TTC39C: variants seen among roughly 807,000 people sequenced by gnomAD.
TTC39C encodes the protein tetratricopeptide repeat protein 39C.
In TTC39C, 33 loss-of-function variants were observed where a neutral mutation model predicts 76.3. The observed-to-expected ratio is 0.43, with a 90% CI of 0.33 to 0.58. The LOEUF is 0.58. Among genes scored for constraint, TTC39C ranks in the 20% least tolerant of loss-of-function variants. TTC39C has a pLI of 0.04. For synonymous variants in TTC39C, 254 were observed against 260.6 expected (o/e 0.97, Z 0.24); for missense variants, 595 against 701.4 (o/e 0.85, Z 1.71).
intron 1 of TTC39C, among the ~76,000 whole-genome samples, chr18:24,059,334 T>C (rs1457042796): frequency 6.6e-6 from 1 of 152,188 alleles, no homozygotes; most frequent in Admixed American, 6.5e-5. Context: ...TAGTACTAAT[T>C]TTTTATTTTT....
At chr18:24,048,367 A>G (rs1410561363) in intron 1 of TTC39C, among the ~76,000 whole-genome samples, 1 of 152,204 alleles carries the variant, frequency 6.6e-6, no homozygotes, top group East Asian at 1.9e-4. Context: ...GAATGAACTG[A>G]TTTTGTTAAA....
At chr18:24,089,173 C>T (rs750135617) in intron 6 of TTC39C, among the ~76,000 whole-genome samples, 1 of 152,154 alleles carries the variant, frequency 6.6e-6, no homozygotes, top group South Asian at 2.1e-4. Context: ...ATGGCCAGTG[C>T]AGAAGGGCCT....
chr18:24,055,899 T>C (rs1186744248), intron 1 of TTC39C, among the ~76,000 whole-genome samples: 1 of 152,200 alleles, frequency 6.6e-6, no homozygotes, highest in African/African-American at 2.4e-5. Context: ...GCTTCATGCA[T>C]GTAGTTTTCT....
chr18:24,071,096 T>A (rs1468925875), intron 4 of TTC39C, among the ~76,000 whole-genome samples: 1 of 151,946 alleles, frequency 6.6e-6, no homozygotes, highest in East Asian at 2.0e-4. Flanking sequence ...GCCCAACTAA[T>A]TTTTTGTACT....
intron 1 of TTC39C, among the ~76,000 whole-genome samples, chr18:24,018,390 C>CAA (rs2145647654): frequency 6.6e-6 from 1 of 151,956 alleles, no homozygotes; most frequent in African/African-American, 2.4e-5. Context: ...CCTCCACACA[C>CAA]ACACACTCAT....
At chr18:24,052,014 A>T (rs1182875892) in intron 1 of TTC39C, among the ~76,000 whole-genome samples, 5 of 152,216 alleles carry the variant, frequency 3.3e-5, no homozygotes, top group African/African-American at 1.2e-4. Flanking sequence ...TGACACAAAT[A>T]TCAAATAGTA....
intron 5 of TTC39C, among the ~76,000 whole-genome samples, chr18:24,082,433 T>C (rs767481823): frequency 6.6e-6 from 1 of 152,216 alleles, no homozygotes; most frequent in Non-Finnish European, 1.5e-5. Context: ...TTGTGCATGA[T>C]ATTTAAACTT....
chr18:24,069,174 C>G lies in TTC39C; in HGVS notation c.363C>G (p.Ser121=), dbSNP rs376106417. The change falls in exon 4 of 14, where the codon TCC becomes TCG. Residue 121 remains serine (S), a synonymous_variant. Transcript: ENST00000317571. The part of the protein sequence containing the change: ...KIKKNVDVRK[S]APSMVDRLQR... Reference sequence around the variant, plus strand: ...CCAAACAGGTTGATGTCCGAAAATCCGCCCCCTCTATGGTTGATCGGCTTC... The same window carrying G: ...CCAAACAGGTTGATGTCCGAAAATCGGCCCCCTCTATGGTTGATCGGCTTC... The G allele has an allele frequency of 6.2e-7, 1 of 1,613,506 alleles. No homozygotes were observed.
intron 1 of TTC39C, among the ~76,000 whole-genome samples, chr18:24,031,712 T>C (rs2145676945): frequency 6.6e-6 from 1 of 152,274 alleles, no homozygotes; most frequent in South Asian, 2.1e-4. Flanking sequence ...ACCAGAGTGA[T>C]CTCTTCAACA....
chr18:23,999,318 A>T (rs2083293632), intron 1 of TTC39C, among the ~76,000 whole-genome samples: 1 of 152,106 alleles, frequency 6.6e-6, no homozygotes, highest in Admixed American at 6.5e-5. Flanking sequence ...ATGTGGGGTG[A>T]TATGAACCAA....
chr18:24,113,975 A>G (rs2084854545), intron 6 of TTC39C: 1 of 400,308 alleles, frequency 2.5e-6, no homozygotes. Flanking sequence ...ACAGCATTCT[A>G]GGGTATAGAA....
chr18:24,108,438 A>G (rs1447990682), intron 6 of TTC39C, among the ~76,000 whole-genome samples: 3 of 152,086 alleles, frequency 2.0e-5, no homozygotes, highest in Non-Finnish European at 4.4e-5. Context: ...TCTTTTCGCA[A>G]CTCTAGACAT....
At chr18:24,022,864 C>T in intron 1 of TTC39C, 1 of 985,410 alleles carries the variant, frequency 1.0e-6, no homozygotes, top group Non-Finnish European at 1.2e-6. Flanking sequence ...CTTGCTCTTC[C>T]AGACACGGCT....
intron 1 of TTC39C, among the ~76,000 whole-genome samples, chr18:24,005,966 AATGT>A (rs2083348555): frequency 6.6e-6 from 1 of 152,064 alleles, no homozygotes; most frequent in Non-Finnish European, 1.5e-5. Context: ...TAGTTTTTAG[AATGT>A]ATGTGTGTGC....
At chr18:24,078,134 T>G (rs1455444742) in intron 4 of TTC39C, among the ~76,000 whole-genome samples, 1 of 152,264 alleles carries the variant, frequency 6.6e-6, no homozygotes, top group African/African-American at 2.4e-5. Context: ...AAAAAAACTT[T>G]GTAGATTAAT....
At position 23,999,869 on chromosome 18, in the gene TTC39C, G is replaced by A. The variant is rs112226535; in HGVS notation, c.-17+6831G>A. On this transcript the variant is annotated intron_variant, in intron 1 of 13. Transcript: ENST00000304621. The stretch of plus-strand genomic sequence containing the variant: ...CCCTTCCTGATTCTAATGTTGTATC[G>A]GAGTATCAGTCAGGGTTCTTACTTG... 2.6e-3 allele frequency among the ~76,000 whole-genome samples: 402 copies of A among 152,322 alleles called. 1 individual carries two copies. The highest frequency in any genetic ancestry group is 9.0e-3 in the African/African-American group (376 of 41,558).
In TTC39C at chr18:24,122,500, C is replaced by CAAAAAAAAAAAAA. The variant is rs36002596; in HGVS notation, c.1187-1326_1187-1314dup. On this transcript the variant is annotated intron_variant, in intron 8 of 13. Transcript: ENST00000317571. ...CTGGTGACAGAGCAAGACTCCATCT[C>CAAAAAAAAAAAAA]AAAAAAAAAAAAAAAAAAAAGAAGA... Among the ~76,000 whole-genome samples, 52 of 50,986 alleles carry CAAAAAAAAAAAAA rather than the reference C, an allele frequency of 1.0e-3. 1 individual carries two copies. Among genetic ancestry groups the CAAAAAAAAAAAAA allele is most frequent in the Middle Eastern group, 0.025 (1 of 40 alleles). The allele number at this position is 50,986 out of a possible 152,430, so 33.4% of individuals were successfully genotyped here. A position where few individuals can be genotyped will look rare whatever the true frequency, so the allele number is the denominator to read the frequency against.
At chr18:24,075,713 A>AAAC (rs2084299793) in intron 4 of TTC39C, among the ~76,000 whole-genome samples, 1 of 151,752 alleles carries the variant, frequency 6.6e-6, no homozygotes, top group Non-Finnish European at 1.5e-5. Flanking sequence ...ACAAAAAAAA[A>AAAC]ACCTCTATTA....
At chr18:24,056,550 A>G (rs908328087) in intron 1 of TTC39C, among the ~76,000 whole-genome samples, 4 of 141,792 alleles carry the variant, frequency 2.8e-5, no homozygotes, top group African/African-American at 1.0e-4. Flanking sequence ...AGAATCAAAT[A>G]TATACATTCT....
Sources: allele counts gnomAD v4.1 joint callset (sites outside exome capture counted in the v4.1 genomes callset), GRCh38; gene constraint gnomAD v4.1.1; transcripts MANE v1.5; gene names NCBI Gene and HGNC (gene_info 2026-07-23, HGNC 2026-07-21).